Variants in BRWD3 observed in about 807,000 individuals in gnomAD.
The protein encoded by BRWD3 is bromodomain and WD repeat domain containing 3.
Under a neutral mutation model 149.7 loss-of-function variants are expected in BRWD3, and 10 were observed. That is an observed-to-expected ratio of 0.07 (90% CI 0.04 to 0.11). BRWD3 has a LOEUF of 0.11. BRWD3 is among the 10% of genes least tolerant of loss of function. The probability of loss-of-function intolerance (pLI) is 1.00; values close to 1 mark genes in which losing one functional copy is unlikely to be tolerated. For synonymous variants in BRWD3, 504 were observed against 456.7 expected (o/e 1.10, Z -1.32); for missense variants, 940 against 1,373.2 (o/e 0.68, Z 4.99).
chrX:80,733,856 TAAATC>T (rs1447204084), intron 11 of BRWD3, among the ~76,000 whole-genome samples: 1 of 111,781 alleles, frequency 8.9e-6, no homozygotes, highest in Admixed American at 9.6e-5. Flanking sequence ...TGTTTGAAAA[TAAATC>T]AATCATTTCC....
Position 80,735,110 on chromosome X carries a change from T to G in BRWD3, c.985+17A>C. 8.6e-7 allele frequency: 1 copy of G among 1,168,959 alleles called. No individual in the cohort carries two copies. The highest frequency in any genetic ancestry group is 3.0e-5 in the East Asian group (1 of 33,590). On this transcript the variant is annotated intron_variant, in intron 10 of 40. Transcript: ENST00000373275. ...TAAATATTCTAGATGCTCAAAACATTCCAGTTTTACACATACCAGAACTGA... is the reference window on the plus strand; with the variant it reads ...TAAATATTCTAGATGCTCAAAACATGCCAGTTTTACACATACCAGAACTGA...
chrX:80,801,341 C>T (rs2074295515), intron 4 of BRWD3, among the ~76,000 whole-genome samples: 1 of 103,582 alleles, frequency 9.7e-6, no homozygotes, highest in Non-Finnish European at 2.0e-5. Context: ...CTGCCTCAGC[C>T]TCTGGAGTAG....
In BRWD3 at chrX:80,677,054, C is replaced by T. The variant is rs866827074; in HGVS notation, c.4964G>A (p.Arg1655Lys). 1 of 1,211,372 alleles carries T rather than the reference C, an allele frequency of 8.3e-7. No homozygotes were observed. The highest frequency in any genetic ancestry group is 1.7e-5 in the African/African-American group (1 of 57,675). The change falls in exon 41 of 41, where the codon AGA becomes AAA. Residue 1655 changes from arginine (R) to lysine (K), a missense_variant. By Grantham distance (26) the Arg-to-Lys change is conservative (BLOSUM62 2). Transcript: ENST00000373275. ...FIQTRPKRKLRKQHGNGKRNW... is the reference protein window; with the variant it reads ...FIQTRPKRKLKKQHGNGKRNW... ...TCTTTTTCCATTGCCATGTTGCTTT[C>T]TGAGTTTTCTTTTAGGTCTGGTTTG... is the stretch of plus-strand genomic sequence containing the variant.
chrX:80,735,338 T>G (rs2073388171), intron 9 of BRWD3, 141 bp from the exon 10 acceptor site: 1 of 489,392 alleles, frequency 2.0e-6, no homozygotes, highest in Non-Finnish European at 3.6e-6. Context: ...AGTACTATTC[T>G]CATCAATTAG....
At chrX:80,707,782 T>C (rs2072889217) in intron 21 of BRWD3, among the ~76,000 whole-genome samples, 1 of 111,990 alleles carries the variant, frequency 8.9e-6, no homozygotes, top group South Asian at 3.7e-4. Context: ...ATAACCCTCT[T>C]AAATACATTA....
intron 6 of BRWD3, among the ~76,000 whole-genome samples, chrX:80,771,288 G>A (rs1174353221): frequency 9.0e-6 from 1 of 111,518 alleles, no homozygotes; most frequent in Non-Finnish European, 1.9e-5. Context: ...AGCCCGCAAT[G>A]CCAAGACAAT....
chrX:80,768,912 A>C (rs2073899480), intron 6 of BRWD3, among the ~76,000 whole-genome samples: 1 of 110,753 alleles, frequency 9.0e-6, no homozygotes, highest in East Asian at 2.8e-4. Flanking sequence ...GAAAGCAAAA[A>C]AAAGAAAAAA....
intron 8 of BRWD3, among the ~76,000 whole-genome samples, chrX:80,741,648 C>A (rs1197603595): frequency 8.9e-6 from 1 of 112,055 alleles, no homozygotes; most frequent in African/African-American, 3.2e-5. Flanking sequence ...ATTTGCATTT[C>A]TCTGATGGCC....
chrX:80,769,969 C>T (rs1231382224), intron 6 of BRWD3, among the ~76,000 whole-genome samples: 2 of 111,598 alleles, frequency 1.8e-5, no homozygotes, highest in African/African-American at 6.5e-5. Context: ...ATACAGTAAA[C>T]ACCTCTATGC....
At chrX:80,690,205 A>C in intron 31 of BRWD3, 113 bp from the exon 32 acceptor site, 1 of 746,136 alleles carries the variant, frequency 1.3e-6, no homozygotes, top group Non-Finnish European at 2.0e-6. Context: ...AAGGTGTTCC[A>C]ATATGCATAT....
At chrX:80,695,714 AG>A (rs1237605171) in intron 27 of BRWD3, among the ~76,000 whole-genome samples, 193 bp downstream of exon 27, 2 of 111,969 alleles carry the variant, frequency 1.8e-5, no homozygotes, top group Non-Finnish European at 3.8e-5. Context: ...TATTTGCAGA[AG>A]GTTTAGAGAT....
intron 8 of BRWD3, among the ~76,000 whole-genome samples, chrX:80,739,281 T>C (rs1378998927): frequency 8.9e-6 from 1 of 111,783 alleles, no homozygotes. Context: ...GAAAGCATGG[T>C]ATTGCCATTT....
chrX:80,809,455 G>T lies in BRWD3; in HGVS notation c.17C>A (p.Thr6Asn). 1 of 1,162,420 alleles carries T rather than the reference G, an allele frequency of 8.6e-7. No homozygotes were observed. Among genetic ancestry groups the T allele is most frequent in the Non-Finnish European group, 1.2e-6 (1 of 868,857 alleles). The part of the protein sequence containing the change: MAAAP[T>N]QIEAELYYLI... ...CAGCTACCCACCGGCTTCGATCTGG[G>T]TAGGTGCTGCCGCCATCCTTTTCCC... Residue 6 changes from threonine to asparagine, a missense_variant, in exon 1 of 41, where the codon ACC (threonine) becomes AAC (asparagine). Thr to Asn is a moderately conservative substitution (Grantham distance 65, BLOSUM62 0). This residue lies in a region of BRWD3 where 105 missense variants were observed against 127.7 expected (regional missense o/e 0.82). Transcript: ENST00000373275.
chrX:80,792,379 C>T (rs191979716), intron 5 of BRWD3, among the ~76,000 whole-genome samples: 1 of 112,095 alleles, frequency 8.9e-6, no homozygotes, highest in Admixed American at 9.5e-5. Context: ...GGTACATGTT[C>T]GTATTATGAA....
chrX:80,760,568 A>C (rs888259555), intron 6 of BRWD3, among the ~76,000 whole-genome samples: 2 of 111,974 alleles, frequency 1.8e-5, no homozygotes, highest in African/African-American at 6.5e-5. Flanking sequence ...GTGCACTGGA[A>C]TATTATTCAC....
intron 19 of BRWD3, among the ~76,000 whole-genome samples, chrX:80,716,717 CTGTTGG>C (rs2073078120): frequency 8.9e-6 from 1 of 112,065 alleles, no homozygotes; most frequent in African/African-American, 3.2e-5. Context: ...ATCTATTCAT[CTGTTGG>C]TGGACAATTG....
rs552898174 is a variant in BRWD3, at chrX:80,727,401, C to T, written c.1386+1351G>A. On this transcript the variant is annotated intron_variant, in intron 14 of 40. Transcript: ENST00000373275. ...CTAGTCTGGCCCCTGTCCACTTTTC[C>T]AATTGTATCTGGGGAGAATCTGTTT... Among the ~76,000 whole-genome samples the T allele has an allele frequency of 1.4e-4, 15 of 110,961 alleles. No individual in the cohort carries two copies. The South Asian group carries it at 5.7e-3, about 42-fold the overall frequency.
chrX:80,763,006 T>G (rs981244617), intron 6 of BRWD3, among the ~76,000 whole-genome samples: 14 of 110,974 alleles, frequency 1.3e-4, no homozygotes, highest in Admixed American at 2.9e-4. Flanking sequence ...ATAAAGAAAA[T>G]AAAATAAATG....
intron 14 of BRWD3, among the ~76,000 whole-genome samples, chrX:80,725,563 G>A (rs1032148162): frequency 8.9e-6 from 1 of 112,460 alleles, no homozygotes; most frequent in Admixed American, 9.4e-5. Flanking sequence ...CATTTAAGAT[G>A]TTATCTGGAA....
Sources: allele counts gnomAD v4.1 joint callset (sites outside exome capture counted in the v4.1 genomes callset), GRCh38; gene constraint gnomAD v4.1.1; regional missense constraint gnomAD v4.1.1; transcripts MANE v1.5; gene names NCBI Gene and HGNC (gene_info 2026-07-23, HGNC 2026-07-21).